Variants in CDIN1 observed in about 807,000 individuals in gnomAD.
CDIN1 encodes CDAN1 interacting nuclease 1.
In CDIN1, 33 loss-of-function variants were observed where a neutral mutation model predicts 45.3. That is an observed-to-expected ratio of 0.73 (90% CI 0.55 to 0.97). The LOEUF (loss-of-function observed/expected upper bound fraction) is 0.97. CDIN1 is among the 50% of genes least tolerant of loss of function. The probability of loss-of-function intolerance (pLI) is 0.00; values close to 1 mark genes in which losing one functional copy is unlikely to be tolerated. For synonymous variants in CDIN1, 118 were observed against 124.4 expected, an observed-to-expected ratio of 0.95 and a Z score of 0.34; for missense variants, 303 against 339.4, an observed-to-expected ratio of 0.89 and a Z score of 0.84.
chr15:36,795,105 A>G (rs2054759627), intron 10 of CDIN1, among the ~76,000 whole-genome samples: 1 of 152,218 alleles, frequency 6.6e-6, no homozygotes, highest in Admixed American at 6.5e-5. Context: ...GGTAAAGAGT[A>G]GAGTGACAGC....
chr15:36,751,227 T>TATATA (rs1491560687), intron 10 of CDIN1, among the ~76,000 whole-genome samples: 1 of 34,396 alleles, frequency 2.9e-5, no homozygotes, highest in African/African-American at 1.5e-4. Context: ...TATATGCTTA[T>TATATA]TTTATATATA....
intron 1 of CDIN1, among the ~76,000 whole-genome samples, chr15:36,609,493 G>A (rs1022027297): frequency 6.6e-6 from 1 of 152,174 alleles, no homozygotes; most frequent in East Asian, 1.9e-4. Context: ...TGGGTGTGGT[G>A]GCTCACACCT....
chr15:36,645,293 A>G lies in CDIN1; in HGVS notation c.212+6A>G. The G allele has an allele frequency of 6.5e-6, 10 of 1,547,648 alleles. No individual in the cohort carries two copies. Among genetic ancestry groups the G allele is most frequent in the Non-Finnish European group, 8.7e-6 (10 of 1,143,640 alleles). On this transcript the variant is annotated splice_donor_region_variant and intron_variant, in intron 3 of 10. Transcript: ENST00000566621. Reference sequence around the variant, plus strand: ...ATTGAAAGTTATTACCAGAGGTATGACCTTCCTGCCCCACTAGAGGGTATC... The same window carrying G: ...ATTGAAAGTTATTACCAGAGGTATGGCCTTCCTGCCCCACTAGAGGGTATC...
rs1343614308 is a variant in CDIN1 at position 36,751,518 on chromosome 15, A to AC, written c.716+41561dup. On this transcript the variant is annotated intron_variant, in intron 10 of 10. Coordinates refer to ENST00000566621, the MANE Select transcript of CDIN1 (RefSeq NM_001321759.2). ...AGACCAGCCTGGGCAACATGGTGAGACCCCATCCCTACTAAAAATATAAAA... is the reference window on the plus strand; with the variant it reads ...AGACCAGCCTGGGCAACATGGTGAGACCCCCATCCCTACTAAAAATATAAAA... 3.3e-5 allele frequency among the ~76,000 whole-genome samples: 5 copies of AC among 151,180 alleles called. No individual in the cohort carries two copies. The East Asian group carries it at 7.8e-4, about 24-fold the overall frequency.
intron 1 of CDIN1, among the ~76,000 whole-genome samples, chr15:36,630,734 T>C (rs1400074436): frequency 6.6e-6 from 1 of 152,150 alleles, no homozygotes. Context: ...TGGCTTCTGC[T>C]TCTGGTGAGG....
chr15:36,776,618 C>T (rs1193677703), intron 10 of CDIN1, among the ~76,000 whole-genome samples: 1 of 152,168 alleles, frequency 6.6e-6, no homozygotes, highest in Non-Finnish European at 1.5e-5. Flanking sequence ...TATATTGTTT[C>T]TGCAGTATGC....
intron 10 of CDIN1, among the ~76,000 whole-genome samples, chr15:36,712,756 C>A (rs2043099427): frequency 6.6e-6 from 1 of 152,116 alleles, no homozygotes; most frequent in African/African-American, 2.4e-5. Context: ...GAGTAAAGAA[C>A]ATAAGCAGCC....
intron 1 of CDIN1, among the ~76,000 whole-genome samples, chr15:36,610,683 C>G (rs1834196854): frequency 6.6e-6 from 1 of 152,170 alleles, no homozygotes; most frequent in African/African-American, 2.4e-5. Context: ...AAGGTGGATA[C>G]CTGCCCTCTG....
At chr15:36,672,772 A>G (rs976164515) in intron 5 of CDIN1, among the ~76,000 whole-genome samples, 3 of 150,896 alleles carry the variant, frequency 2.0e-5, no homozygotes, top group African/African-American at 2.4e-5. Flanking sequence ...AGGGTTGATC[A>G]GCGCCGAATC....
Position 36,746,752 on chromosome 15 carries a change from C to CTTTTT in CDIN1, c.716+36812_716+36816dup, listed in dbSNP as rs760613983. 3.8e-3 allele frequency among the ~76,000 whole-genome samples: 280 copies of CTTTTT among 74,356 alleles called. 17 individuals carry two copies. Among genetic ancestry groups the CTTTTT allele is most frequent in the Non-Finnish European group, 6.0e-3 (246 of 40,904 alleles). The allele number at this position is 74,356 out of a possible 152,430, so 48.8% of individuals were successfully genotyped here. On this transcript the variant is annotated intron_variant, in intron 10 of 10. Coordinates refer to ENST00000566621, the MANE Select transcript of CDIN1 (RefSeq NM_001321759.2). ...GTATCATTAAAAGTTGGAAACGTGT[C>CTTTTT]TTTTTTTTTTTTTTTTTTTTTTTTT...
At chr15:36,712,260 C>CTTTTTTTTTTTTTTT (rs780494427) in intron 10 of CDIN1, among the ~76,000 whole-genome samples, 1 of 77,372 alleles carries the variant, frequency 1.3e-5, no homozygotes, top group Non-Finnish European at 2.3e-5. Flanking sequence ...TAGACTAATG[C>CTTTTTTTTTTTTTTT]TTTTTTTTTT....
At chr15:36,807,182 A>G (rs916590691) in intron 10 of CDIN1, among the ~76,000 whole-genome samples, 1 of 152,196 alleles carries the variant, frequency 6.6e-6, no homozygotes, top group Non-Finnish European at 1.5e-5. Context: ...GTCCCTGTGC[A>G]TACAGTATCT....
chr15:36,788,410 A>G (rs1422600968), intron 10 of CDIN1, among the ~76,000 whole-genome samples: 3 of 152,088 alleles, frequency 2.0e-5, no homozygotes, highest in African/African-American at 7.2e-5. Context: ...AAAAAAACAG[A>G]TGAGCAGTTT....
chr15:36,796,528 T>G (rs948817111), intron 10 of CDIN1, among the ~76,000 whole-genome samples: 1 of 152,186 alleles, frequency 6.6e-6, no homozygotes, highest in Non-Finnish European at 1.5e-5. Flanking sequence ...ACACAGACCC[T>G]CAGCACAACC....
chr15:36,637,834 G>A (rs2039961584), intron 1 of CDIN1, among the ~76,000 whole-genome samples: 1 of 152,166 alleles, frequency 6.6e-6, no homozygotes, highest in Non-Finnish European at 1.5e-5. Context: ...TGCATGCTGT[G>A]TAATCTACTT....
chr15:36,645,030 G>A (rs2040253972), intron 2 of CDIN1, among the ~76,000 whole-genome samples, 193 bp from the exon 3 acceptor site: 1 of 152,148 alleles, frequency 6.6e-6, no homozygotes, highest in Non-Finnish European at 1.5e-5. Context: ...TCCCAGCCAA[G>A]CAATAGAGAT....
chr15:36,703,598 A>C (rs2042755404), intron 8 of CDIN1, among the ~76,000 whole-genome samples: 1 of 151,884 alleles, frequency 6.6e-6, no homozygotes, highest in East Asian at 2.0e-4. Flanking sequence ...CCCTGCAGAA[A>C]ATTAACTACA....
chr15:36,632,471 G>A (rs1036664550), intron 1 of CDIN1, among the ~76,000 whole-genome samples: 6 of 152,184 alleles, frequency 3.9e-5, no homozygotes, highest in African/African-American at 1.4e-4. Flanking sequence ...ACCACACCCA[G>A]ACAGACTTTT....
At chr15:36,754,927 T>C (rs1026460449) in intron 10 of CDIN1, among the ~76,000 whole-genome samples, 1 of 152,172 alleles carries the variant, frequency 6.6e-6, no homozygotes, top group African/African-American at 2.4e-5. Context: ...GCCCACCCCA[T>C]CATTTTCTAT....
Sources: allele counts gnomAD v4.1 joint callset (sites outside exome capture counted in the v4.1 genomes callset), GRCh38; gene constraint gnomAD v4.1.1; transcripts MANE v1.5; gene names NCBI Gene and HGNC (gene_info 2026-07-23, HGNC 2026-07-21).